HDAC4: variants seen among roughly 807,000 people sequenced by gnomAD.
The protein encoded by HDAC4 is histone deacetylase A.
Under a neutral mutation model 135.1 loss-of-function variants are expected in HDAC4, and 16 were observed. The ratio of observed to expected loss-of-function variants is 0.12; its 90% CI spans 0.08 to 0.18. HDAC4 has a LOEUF of 0.18. HDAC4 is among the 10% of genes least tolerant of loss of function. The probability of loss-of-function intolerance (pLI) is 1.00; values close to 1 mark genes in which losing one functional copy is unlikely to be tolerated. For synonymous variants in HDAC4, 685 were observed against 653.4 expected (o/e 1.05, Z -0.74); for missense variants, 1,143 against 1,511.8 (o/e 0.76, Z 4.05).
chr2:239,064,171 C>G (rs988077841), intron 24 of HDAC4, among the ~76,000 whole-genome samples: 2 of 152,252 alleles, frequency 1.3e-5, no homozygotes, highest in African/African-American at 2.4e-5. Flanking sequence ...CTTGCTGTGC[C>G]GGGCAGTTTG....
intron 2 of HDAC4, among the ~76,000 whole-genome samples, chr2:239,243,168 T>G (rs1037625206): frequency 1.3e-5 from 2 of 152,100 alleles, no homozygotes; most frequent in Non-Finnish European, 2.9e-5. Flanking sequence ...TTTTTTTTTT[T>G]TTGAGACATT....
intron 2 of HDAC4, among the ~76,000 whole-genome samples, chr2:239,327,829 G>C (rs774893133): frequency 1.3e-5 from 2 of 152,206 alleles, no homozygotes; most frequent in African/African-American, 4.8e-5. Flanking sequence ...GCCCTGCCTG[G>C]TTCCTGGCCC....
intron 3 of HDAC4, among the ~76,000 whole-genome samples, chr2:239,229,684 C>A (rs2047430428): frequency 6.6e-6 from 1 of 152,220 alleles, no homozygotes; most frequent in Non-Finnish European, 1.5e-5. Context: ...AGGGTGAGGA[C>A]CTCACAGATC....
chr2:239,273,642 G>A (rs1021533504), intron 2 of HDAC4, among the ~76,000 whole-genome samples: 3 of 152,160 alleles, frequency 2.0e-5, no homozygotes, highest in African/African-American at 2.4e-5. Flanking sequence ...CCGGTCCGGC[G>A]CAGGCTCCAG....
At chr2:239,128,760 T>C (rs2040370693) in intron 11 of HDAC4, among the ~76,000 whole-genome samples, 1 of 152,192 alleles carries the variant, frequency 6.6e-6, no homozygotes, top group African/African-American at 2.4e-5. Flanking sequence ...GTGCACACCA[T>C]TCAGGGGTGG....
At chr2:239,238,874 C>T (rs529988982) in intron 2 of HDAC4, among the ~76,000 whole-genome samples, 13 of 152,320 alleles carry the variant, frequency 8.5e-5, no homozygotes, top group African/African-American at 3.1e-4. Context: ...TGGGTCTTGG[C>T]TCACCTACAT....
At chr2:239,178,663 C>T (rs564786024) in intron 4 of HDAC4, among the ~76,000 whole-genome samples, 5 of 152,238 alleles carry the variant, frequency 3.3e-5, no homozygotes, top group South Asian at 2.1e-4. Flanking sequence ...GGATTACGAG[C>T]GTGAGCTGCC....
At chr2:239,163,998 A>G in intron 5 of HDAC4, 75 bp from the exon 6 acceptor site, 1 of 1,585,280 alleles carries the variant, frequency 6.3e-7, no homozygotes, top group African/African-American at 1.3e-5. Flanking sequence ...CAGCGGGGCC[A>G]CAGAGGGAGG....
chr2:239,290,329 C>G (rs534226417), intron 2 of HDAC4, among the ~76,000 whole-genome samples: 1 of 152,196 alleles, frequency 6.6e-6, no homozygotes, highest in African/African-American at 2.4e-5. Flanking sequence ...CCAGAACCAA[C>G]GGCACGTGAC....
At chr2:239,241,737 CTA>C (rs566998167) in intron 2 of HDAC4, among the ~76,000 whole-genome samples, 95 of 152,260 alleles carry the variant, frequency 6.2e-4, no homozygotes, top group Non-Finnish European at 1.1e-3. Flanking sequence ...TTTGTATACG[CTA>C]TGAGACAGGG....
At chr2:239,258,606 G>A (rs1181628417) in intron 2 of HDAC4, among the ~76,000 whole-genome samples, 2 of 152,166 alleles carry the variant, frequency 1.3e-5, no homozygotes, top group Non-Finnish European at 2.9e-5. Context: ...TTCCAACAAA[G>A]ACTGATCATC....
chr2:239,119,642 C>T (rs200679557), intron 12 of HDAC4, among the ~76,000 whole-genome samples: 90 of 151,534 alleles, frequency 5.9e-4, no homozygotes, highest in East Asian at 2.3e-3. Flanking sequence ...GCTGAGGGTG[C>T]GGGGACCAGA....
chr2:239,172,550 A>G (rs2043521626), intron 5 of HDAC4, among the ~76,000 whole-genome samples: 1 of 152,108 alleles, frequency 6.6e-6, no homozygotes, highest in Admixed American at 6.5e-5. Flanking sequence ...CATATGTTAG[A>G]AGACAGAGCT....
intron 2 of HDAC4, among the ~76,000 whole-genome samples, chr2:239,350,179 G>A (rs1280708896): frequency 6.6e-6 from 1 of 151,926 alleles, no homozygotes; most frequent in East Asian, 1.9e-4. Flanking sequence ...AACACTATAA[G>A]CTCTCGGTCA....
chr2:239,057,392 G>A (rs956809838), intron 24 of HDAC4, among the ~76,000 whole-genome samples: 1 of 152,176 alleles, frequency 6.6e-6, no homozygotes, highest in Non-Finnish European at 1.5e-5. Flanking sequence ...AGAGATTTAT[G>A]AACGTGACAT....
upstream of HDAC4, among the ~76,000 whole-genome samples, chr2:239,401,211 G>A (rs893806058): frequency 6.6e-6 from 1 of 151,290 alleles, no homozygotes; most frequent in Non-Finnish European, 1.5e-5. Context: ...CCGGGCGCCT[G>A]GCCGGCCTTC....
chr2:239,302,865 C>G (rs2052349626), intron 2 of HDAC4, among the ~76,000 whole-genome samples: 1 of 152,244 alleles, frequency 6.6e-6, no homozygotes, highest in South Asian at 2.1e-4. Context: ...TAGGCTCTCA[C>G]CCATAGGAGG....
intron 2 of HDAC4, among the ~76,000 whole-genome samples, chr2:239,270,994 C>T (rs1440433045): frequency 1.3e-5 from 2 of 152,190 alleles, no homozygotes; most frequent in Non-Finnish European, 2.9e-5. Flanking sequence ...AAAATACTTA[C>T]AACTCAAAGG....
At position 239,176,545 on chromosome 2, in the gene HDAC4, C is replaced by T. The variant is rs1559182040; in HGVS notation, c.358G>A (p.Ala120Thr). Reference sequence around the variant, plus strand: ...AGCAGCTCCTGCTGGTGCTTCATGGCCAGCATCTCCTGTTGTTGCTGCAAG... The same window carrying T: ...AGCAGCTCCTGCTGGTGCTTCATGGTCAGCATCTCCTGTTGTTGCTGCAAG... Reference protein sequence around the residue: ...EHIKQQQEMLAMKHQQELLEH... With the variant: ...EHIKQQQEMLTMKHQQELLEH... The change falls in exon 5 of 27, where the codon GCC (alanine) becomes ACC (threonine). Residue 120 changes from alanine to threonine, a missense_variant. Around this residue, in one of 9 missense-constraint regions of HDAC4, gnomAD observed 247 missense variants for 310.0 expected, o/e 0.80. Transcript: ENST00000543185. The T allele has an allele frequency of 6.2e-7, 1 of 1,613,190 alleles. No homozygotes were observed. The highest frequency in any genetic ancestry group is 2.2e-5 in the East Asian group (1 of 44,838).
Sources: gnomAD v4.1 joint callset for allele counts (sites outside exome capture counted in the v4.1 genomes callset) on GRCh38, gnomAD v4.1.1 for gene constraint, gnomAD v4.1.1 regional missense constraint, MANE v1.5 for transcripts, NCBI Gene and HGNC (gene_info 2026-07-23, HGNC 2026-07-21) for gene names.